PKNOX2: variants seen among roughly 807,000 people sequenced by gnomAD.
The protein encoded by PKNOX2 is homeobox protein PKNOX2.
Under a neutral mutation model 53.1 loss-of-function variants are expected in PKNOX2, and 14 were observed. The observed-to-expected ratio is 0.26, with a 90% CI of 0.17 to 0.41. PKNOX2 has a LOEUF of 0.41. Ranked by LOEUF, PKNOX2 falls within the 10% of genes least tolerant of loss-of-function variation. PKNOX2 has a pLI of 1.00. For synonymous variants in PKNOX2, 257 were observed against 242.8 expected, an observed-to-expected ratio of 1.06 and a Z score of -0.54; for missense variants, 496 against 602.8, an observed-to-expected ratio of 0.82 and a Z score of 1.85.
chr11:125,331,220 A>G (rs933957626), intron 2 of PKNOX2, among the ~76,000 whole-genome samples: 1 of 152,236 alleles, frequency 6.6e-6, no homozygotes, highest in African/African-American at 2.4e-5. Context: ...AAAAATAAAA[A>G]TAAGTCATGC....
chr11:125,238,600 A>T (rs1320633760), intron 2 of PKNOX2, among the ~76,000 whole-genome samples: 1 of 152,236 alleles, frequency 6.6e-6, no homozygotes. Flanking sequence ...TGATGGCATC[A>T]TCCCCAATGC....
At chr11:125,371,433 C>A (rs994202491) in intron 5 of PKNOX2, among the ~76,000 whole-genome samples, 12 of 152,114 alleles carry the variant, frequency 7.9e-5, no homozygotes, top group Non-Finnish European at 1.5e-4. Context: ...CCCGCCCATG[C>A]TGGTGAGGAG....
chr11:125,416,907 A>G (rs895962922), intron 10 of PKNOX2, among the ~76,000 whole-genome samples: 1 of 152,024 alleles, frequency 6.6e-6, no homozygotes, highest in African/African-American at 2.4e-5. Flanking sequence ...CAGCCCTGGC[A>G]GCTACAGGAA....
At chr11:125,220,468 G>T (rs1054012124) in intron 1 of PKNOX2, among the ~76,000 whole-genome samples, 1 of 152,196 alleles carries the variant, frequency 6.6e-6, no homozygotes, top group Admixed American at 6.5e-5. Flanking sequence ...CACAGCTTGG[G>T]TGTGGGATTG....
intron 2 of PKNOX2, among the ~76,000 whole-genome samples, chr11:125,265,640 G>A (rs1216518336): frequency 2.6e-5 from 4 of 152,206 alleles, no homozygotes; most frequent in African/African-American, 7.2e-5. Context: ...AGAGGCAGGG[G>A]CAGTGCGGGG....
intron 2 of PKNOX2, among the ~76,000 whole-genome samples, chr11:125,292,366 G>A (rs1020135165): frequency 3.3e-5 from 5 of 152,216 alleles, no homozygotes; most frequent in African/African-American, 1.2e-4. Context: ...TTTAATGACA[G>A]TCTTTCTGGA....
intron 3 of PKNOX2, among the ~76,000 whole-genome samples, chr11:125,338,113 T>C (rs547172979): frequency 6.6e-6 from 1 of 152,198 alleles, no homozygotes; most frequent in Non-Finnish European, 1.5e-5. Context: ...CTCCCCAGCA[T>C]CCGCTCTCTG....
chr11:125,429,023 C>T lies in PKNOX2; in HGVS notation c.948C>T (p.Pro316=). Reference sequence around the variant, plus strand: ...ACCTCTCGTTTCAGCACCCCTACCCCACGGAGGATGAGAAGAGGCAGATCG... The same window carrying T: ...ACCTCTCGTTTCAGCACCCCTACCCTACGGAGGATGAGAAGAGGCAGATCG... ...WLFQHLMHPY[P]TEDEKRQIAA... The change falls in exon 11 of 13, where the codon CCC becomes CCT. Residue 316 remains proline, a synonymous_variant. Transcript: ENST00000298282. 6.2e-7 allele frequency: 1 copy of T among 1,613,590 alleles called. No individual in the cohort carries two copies. The highest frequency in any genetic ancestry group is 8.5e-7 in the Non-Finnish European group (1 of 1,179,476).
chr11:125,420,827 C>T (rs1360772485), intron 10 of PKNOX2, among the ~76,000 whole-genome samples: 1 of 152,084 alleles, frequency 6.6e-6, no homozygotes, highest in African/African-American at 2.4e-5. Context: ...ACTGGGGCAT[C>T]GTGTCAATAG....
chr11:125,301,072 G>A (rs1948029722), intron 2 of PKNOX2, among the ~76,000 whole-genome samples: 1 of 152,160 alleles, frequency 6.6e-6, no homozygotes, highest in Admixed American at 6.5e-5. Flanking sequence ...AGGCCAAAAT[G>A]TGCTGTACAA....
chr11:125,346,762 G>GAGGAAGGA (rs1555159728), intron 3 of PKNOX2, among the ~76,000 whole-genome samples: 9,051 of 151,382 alleles, frequency 0.06, 904 homozygotes, highest in African/African-American at 0.21. Flanking sequence ...GGAAGGAAGG[G>GAGGAAGGA]AGGAAGGAGG....
intron 1 of PKNOX2, among the ~76,000 whole-genome samples, chr11:125,178,601 GGAAGGAAGGAAA>G (rs1243220768): frequency 1.1e-4 from 3 of 26,844 alleles, no homozygotes; most frequent in Non-Finnish European, 2.3e-4. Context: ...AAGGAAGGAA[GGAAGGAAGGAAA>G]GAAAGAAAGA....
At chr11:125,265,410 G>A (rs753449064) in intron 2 of PKNOX2, among the ~76,000 whole-genome samples, 13 of 152,102 alleles carry the variant, frequency 8.5e-5, no homozygotes, top group South Asian at 2.1e-4. Flanking sequence ...GGCAAACACC[G>A]GCCTCTGCAA....
intron 2 of PKNOX2, among the ~76,000 whole-genome samples, chr11:125,261,369 G>A (rs1257517182): frequency 6.6e-6 from 1 of 152,220 alleles, no homozygotes; most frequent in African/African-American, 2.4e-5. Flanking sequence ...GACCATGATT[G>A]CCAAGCGAGT....
At chr11:125,228,898 G>A (rs1941953694) in intron 1 of PKNOX2, among the ~76,000 whole-genome samples, 1 of 152,158 alleles carries the variant, frequency 6.6e-6, no homozygotes, top group African/African-American at 2.4e-5. Context: ...GGAGGAATGG[G>A]ATGGAAATAA....
chr11:125,431,307 A>C lies in PKNOX2; in HGVS notation c.1334A>C (p.Glu445Ala). 2 of 1,613,490 alleles carry C rather than the reference A, an allele frequency of 1.2e-6. No homozygotes were observed. Among genetic ancestry groups the C allele is most frequent in the Non-Finnish European group, 1.7e-6 (2 of 1,179,766 alleles). Residue 445 changes from glutamate (E) to alanine (A), a missense_variant, in exon 13 of 13, where the codon GAG becomes GCG. By Grantham distance (107) the Glu-to-Ala change is moderately radical. Coordinates refer to ENST00000298282, the MANE Select transcript of PKNOX2 (RefSeq NM_001382323.2). The part of the protein sequence containing the change: ...EDEDEMEEEE[E>A]EELEEEVDEL... Reference sequence around the variant, plus strand: ...GAGGATGAGATGGAAGAGGAGGAGGAGGAGGAGCTGGAGGAGGAGGTCGAC... The same window carrying C: ...GAGGATGAGATGGAAGAGGAGGAGGCGGAGGAGCTGGAGGAGGAGGTCGAC...
At chr11:125,327,858 A>T (rs1020326995) in intron 2 of PKNOX2, among the ~76,000 whole-genome samples, 10 of 152,194 alleles carry the variant, frequency 6.6e-5, no homozygotes, top group Non-Finnish European at 1.5e-4. Context: ...TGTAGCCCTG[A>T]AGCGGTGCCC....
At chr11:125,215,567 C>T (rs1194348447) in intron 1 of PKNOX2, among the ~76,000 whole-genome samples, 2 of 151,962 alleles carry the variant, frequency 1.3e-5, no homozygotes, top group African/African-American at 4.8e-5. Context: ...GCCTGACCAA[C>T]ACGGCGAAAC....
chr11:125,209,148 C>T (rs1456872521), intron 1 of PKNOX2, among the ~76,000 whole-genome samples: 1 of 152,056 alleles, frequency 6.6e-6, no homozygotes. Context: ...CAAAGCACTT[C>T]AAATCTCTTG....
Sources: gnomAD v4.1 joint callset for allele counts (sites outside exome capture counted in the v4.1 genomes callset) on GRCh38, gnomAD v4.1.1 for gene constraint, MANE v1.5 for transcripts, NCBI Gene and HGNC (gene_info 2026-07-23, HGNC 2026-07-21) for gene names.